The following CD163L1 variants were observed in gnomAD, a reference collection of about 807,000 sequenced individuals.
CD163L1 encodes the protein scavenger receptor cysteine-rich type 1 protein M160.
In CD163L1, 124 loss-of-function variants were observed where a neutral mutation model predicts 165.4. The ratio of observed to expected loss-of-function variants is 0.75; its 90% CI spans 0.65 to 0.87. CD163L1 has a LOEUF of 0.87. CD163L1 is among the 40% of genes least tolerant of loss of function. The pLI, the probability that CD163L1 is intolerant of heterozygous loss-of-function variation, is 0.00. For missense variants in CD163L1, 1,525 were observed against 1,799.9 expected, an observed-to-expected ratio of 0.85 and a Z score of 2.76; for synonymous variants, 585 against 662.2, an observed-to-expected ratio of 0.88 and a Z score of 1.79.
the CD163L1 span, among the ~76,000 whole-genome samples, chr12:7,337,913 C>A: frequency 1.3e-5 from 2 of 152,170 alleles, no homozygotes; most frequent in African/African-American, 4.8e-5. Context: ...TTGGAGCCAA[C>A]CCAAATGTCC....
chr12:7,391,717 G>C (rs1947657540), intron 8 of CD163L1, among the ~76,000 whole-genome samples: 1 of 152,070 alleles, frequency 6.6e-6, no homozygotes, highest in African/African-American at 2.4e-5. Context: ...CAAAATAAAG[G>C]GATGGAGGAA....
chr12:7,438,943 G>A (rs771714408), intron 2 of CD163L1: 45 of 1,606,744 alleles, frequency 2.8e-5, no homozygotes, highest in Non-Finnish European at 3.6e-5. Context: ...CTAAGAATGC[G>A]TTCTTGTTCT....
At chr12:7,408,663 C>T (rs6488280) in intron 4 of CD163L1, among the ~76,000 whole-genome samples, 151,178 of 152,316 alleles carry the variant, frequency 0.99, 75,035 homozygotes, top group Middle Eastern at 1. Context: ...AATCTAATAA[C>T]TGATTCAGGA....
chr12:7,398,224 T>C lies in CD163L1; in HGVS notation c.1729+40A>G. The C allele has an allele frequency of 6.4e-7, 1 of 1,567,840 alleles. No individual in the cohort carries two copies. Among genetic ancestry groups the C allele is most frequent in the African/African-American group, 1.3e-5 (1 of 74,098 alleles). On this transcript the variant is annotated intron_variant, in intron 7 of 19. Coordinates refer to ENST00000313599, the MANE Select transcript of CD163L1 (RefSeq NM_174941.6). The surrounding 1 kb of genome is among the most constrained non-coding windows in gnomAD (Gnocchi z 4.5). ...GAAGCCCTTCCTATGAGGAATACTA[T>C]TTCTCTTATCAGGAAATAATAAACA... is the stretch of plus-strand genomic sequence containing the variant.
chr12:7,339,670 T>C, the CD163L1 span, among the ~76,000 whole-genome samples: 1 of 152,190 alleles, frequency 6.6e-6, no homozygotes, highest in Admixed American at 6.5e-5. Context: ...CTGAGACTTC[T>C]CTCTAGAGAG....
the CD163L1 span, among the ~76,000 whole-genome samples, chr12:7,333,018 T>C: frequency 6.6e-6 from 1 of 152,272 alleles, no homozygotes; most frequent in Admixed American, 6.5e-5. Flanking sequence ...GACCCATCAG[T>C]GTGCTGTATT....
chr12:7,426,947 AAAAG>A (rs1172669705), intron 4 of CD163L1, among the ~76,000 whole-genome samples: 1 of 152,144 alleles, frequency 6.6e-6, no homozygotes, highest in African/African-American at 2.4e-5. Context: ...CAAAATTGTA[AAAAG>A]AAACAAAGAA....
chr12:7,371,450 A>G (rs1037500599), intron 14 of CD163L1, among the ~76,000 whole-genome samples: 4 of 152,180 alleles, frequency 2.6e-5, no homozygotes, highest in Non-Finnish European at 1.5e-5. Context: ...TATTTCAACA[A>G]ATCTCCAATG....
chr12:7,383,811 A>C (rs989159622), intron 8 of CD163L1, among the ~76,000 whole-genome samples: 2 of 152,206 alleles, frequency 1.3e-5, no homozygotes, highest in African/African-American at 2.4e-5. Flanking sequence ...ATCTACAACA[A>C]AAAGTTTTCC....
chr12:7,337,470 T>C, the CD163L1 span, among the ~76,000 whole-genome samples: 1 of 152,016 alleles, frequency 6.6e-6, no homozygotes, highest in African/African-American at 2.4e-5. Context: ...AACAAGTTTA[T>C]GAGAGAAACA....
chr12:7,337,965 C>A, the CD163L1 span, among the ~76,000 whole-genome samples: 2 of 152,148 alleles, frequency 1.3e-5, no homozygotes, highest in South Asian at 4.1e-4. Context: ...CACATATACA[C>A]CATGGAATAG....
chr12:7,406,917 C>T lies in CD163L1; in HGVS notation c.767-65G>A, dbSNP rs969004221. The T allele has an allele frequency of 6.4e-6, 9 of 1,402,742 alleles. No individual in the cohort carries two copies. In the African/African-American group the frequency reaches 1.3e-4, roughly 20 times the overall value. 86.9% of individuals were successfully genotyped at this position (1,402,742 alleles called of 1,614,324 possible). On this transcript the variant is annotated intron_variant, in intron 4 of 19. Coordinates refer to ENST00000313599, the MANE Select transcript of CD163L1 (RefSeq NM_174941.6). ...TGATCAGAAACTTCAGATTCCAGAT[C>T]CTGCTATCCAAATAAACACAAATAT...
chr12:7,383,752 C>T (rs756343447), intron 8 of CD163L1, among the ~76,000 whole-genome samples: 1 of 152,326 alleles, frequency 6.6e-6, no homozygotes, highest in East Asian at 1.9e-4. Context: ...CTATAGCATG[C>T]ACCCAGGATC....
intron 8 of CD163L1, among the ~76,000 whole-genome samples, chr12:7,385,266 C>T (rs1291363613): frequency 6.8e-6 from 1 of 146,754 alleles, no homozygotes; most frequent in Non-Finnish European, 1.5e-5. Context: ...AAAAAAAAGA[C>T]AATCATCATA....
chr12:7,429,390 A>G (rs1457685952), intron 4 of CD163L1, among the ~76,000 whole-genome samples: 16 of 152,178 alleles, frequency 1.1e-4, no homozygotes, highest in Admixed American at 7.9e-4. Context: ...GATTTTATCA[A>G]TTGCAAAGGC....
chr12:7,350,446 C>T (rs769560288), downstream of CD163L1, among the ~76,000 whole-genome samples: 3 of 152,124 alleles, frequency 2.0e-5, no homozygotes, highest in Admixed American at 6.6e-5. Flanking sequence ...CTTACAGTTA[C>T]GTGGTTGGTT....
At chr12:7,342,054 C>A (rs1440429636), downstream of CD163L1, among the ~76,000 whole-genome samples, 1 of 152,124 alleles carries the variant, frequency 6.6e-6, no homozygotes, top group Non-Finnish European at 1.5e-5. Flanking sequence ...TTCCTCTCTC[C>A]CCACTCAAGA....
At chr12:7,415,256 A>T (rs1948213771) in intron 4 of CD163L1, among the ~76,000 whole-genome samples, 2 of 152,152 alleles carry the variant, frequency 1.3e-5, no homozygotes, top group Non-Finnish European at 1.5e-5. Flanking sequence ...AAAAATAGTT[A>T]TAACTCTAAT....
chr12:7,402,395 C>T (rs908566682), intron 6 of CD163L1, among the ~76,000 whole-genome samples: 7 of 151,856 alleles, frequency 4.6e-5, no homozygotes, highest in Non-Finnish European at 7.4e-5. Flanking sequence ...GTTTCATTTA[C>T]AAGAACATCA....
Sources: gnomAD v4.1 joint callset for allele counts (sites outside exome capture counted in the v4.1 genomes callset) on GRCh38, gnomAD v4.1.1 for gene constraint, Gnocchi (gnomAD v3.1) non-coding constraint, MANE v1.5 for transcripts, NCBI Gene and HGNC (gene_info 2026-07-23, HGNC 2026-07-21) for gene names.